Variants in PI4KA observed in about 807,000 individuals in gnomAD.
PI4KA encodes phosphatidylinositol 4-kinase alpha.
A neutral mutation model predicts 271.4 loss-of-function variants in PI4KA; 122 were observed. The observed-to-expected ratio is 0.45, with a 90% CI of 0.39 to 0.52. The LOEUF is 0.52. Among genes scored for constraint, PI4KA ranks in the 20% least tolerant of loss-of-function variants. PI4KA has a pLI of 0.00. For synonymous variants in PI4KA, 1,041 were observed against 1,078.8 expected (o/e 0.96, Z 0.69); for missense variants, 1,969 against 2,769.1 (o/e 0.71, Z 6.48).
intron 19 of PI4KA, 59 bp from the exon 20 acceptor site, chr22:20,765,752 T>C (rs1389378363): frequency 8.1e-6 from 9 of 1,112,686 alleles, no homozygotes; most frequent in South Asian, 7.4e-5. Context: ...CCCTAAGCCC[T>C]GTAGGTGTAA....
Position 20,734,428 on chromosome 22 carries a change from G to T in PI4KA, c.3867C>A (p.Pro1289=), listed in dbSNP as rs1313296690. The T allele has an allele frequency of 1.9e-6, 3 of 1,607,830 alleles. No individual in the cohort carries two copies. The highest frequency in any genetic ancestry group is 2.2e-5 in the South Asian group (2 of 90,820). ...AGATGTAGTGGGGGGTCACTTCGGG[G>T]GGACAGGGTTTGGGTTGACTTGCTT... ...ASEASQPKPC[P]PEVTPHYIWI... The change falls in exon 33 of 55, where the codon CCC becomes CCA. Residue 1289 remains proline, a synonymous_variant. Transcript: ENST00000255882.
At chr22:20,787,351 A>G (rs1601498880) in intron 19 of PI4KA, 45 of 456,596 alleles carry the variant, frequency 9.9e-5, no homozygotes, top group South Asian at 9.2e-4. Flanking sequence ...AAACCTGAGC[A>G]GCGCGTCCTA....
chr22:20,769,343 T>A (rs1932774212), intron 19 of PI4KA, among the ~76,000 whole-genome samples: 2 of 152,082 alleles, frequency 1.3e-5, no homozygotes, highest in South Asian at 4.2e-4. Context: ...ACTGCTCTAG[T>A]CTCCAGAAAG....
At chr22:20,757,116 G>A (rs1931397648) in intron 23 of PI4KA, among the ~76,000 whole-genome samples, 1 of 152,166 alleles carries the variant, frequency 6.6e-6, no homozygotes, top group Non-Finnish European at 1.5e-5. Context: ...GGAGGCAGAA[G>A]TCCCCACTTT....
intron 30 of PI4KA, 57 bp from the exon 31 acceptor site, chr22:20,742,821 T>A: frequency 1.3e-6 from 2 of 1,563,922 alleles, no homozygotes; most frequent in Non-Finnish European, 1.8e-6. Flanking sequence ...GTGGGTAAGG[T>A]TCTGGAAGCC....
intron 1 of PI4KA, among the ~76,000 whole-genome samples, chr22:20,858,168 T>TA (rs1927846524): frequency 6.6e-6 from 1 of 152,180 alleles, no homozygotes; most frequent in Non-Finnish European, 1.5e-5. Context: ...GGTCGCGGAA[T>TA]AAAAAGCAGG....
intron 50 of PI4KA, chr22:20,712,284 T>C: frequency 2.7e-6 from 2 of 743,304 alleles, no homozygotes; most frequent in Non-Finnish European, 3.3e-6. Context: ...TTTGATCTCT[T>C]GACCTCGTGA....
intron 24 of PI4KA, 34 bp downstream of exon 24, chr22:20,753,076 C>G (rs1555886462): frequency 6.2e-7 from 1 of 1,614,228 alleles, no homozygotes; most frequent in Admixed American, 1.7e-5. Context: ...ATGCCTCCAG[C>G]AGACAGACAC....
At chr22:20,711,207 G>A (rs1001885906) in intron 51 of PI4KA, 134 bp downstream of exon 51, 13 of 581,692 alleles carry the variant, frequency 2.2e-5, no homozygotes, top group East Asian at 2.1e-4. Context: ...CCGACAGTTC[G>A]GACCTCAGAG....
chr22:20,807,658 T>C (rs979440058), intron 9 of PI4KA, among the ~76,000 whole-genome samples, 200 bp from the exon 10 acceptor site: 3 of 152,244 alleles, frequency 2.0e-5, no homozygotes, highest in African/African-American at 7.2e-5. Flanking sequence ...AGGAGGCTCA[T>C]GCAGTCCAGA....
rs886192073 is a variant in PI4KA, at chr22:20,759,402, C to CTT, written c.2791+1900_2791+1901dup. Among the ~76,000 whole-genome samples the CTT allele has an allele frequency of 4.2e-3, 430 of 102,814 alleles. 11 individuals carry two copies. Among genetic ancestry groups the CTT allele is most frequent in the South Asian group, 7.9e-3 (23 of 2,898 alleles). 67.4% of individuals were successfully genotyped at this position (102,814 alleles called of 152,430 possible). ...TTGATTTTTCTTTTTCTTTTCTTTT[C>CTT]TTTTTTTTTTTTTTTTTTTTTGAGA... On this transcript the variant is annotated intron_variant, in intron 23 of 54. Transcript: ENST00000255882.
Position 20,799,211 on chromosome 22 carries a change from T to A in PI4KA, c.1886A>T (p.Asp629Val). The A allele has an allele frequency of 6.3e-7, 1 of 1,583,946 alleles. No individual in the cohort carries two copies. Among genetic ancestry groups the A allele is most frequent in the Admixed American group, 1.8e-5 (1 of 56,166 alleles). The part of the protein sequence containing the change: ...ALGHIAVALR[D>V]TPKVMEPILQ... ...AATGGGCTCCATGACCTTCGGGGTGTCCCTCAAGGCCACCGCAATGTGTCC... is the reference window on the plus strand; with the variant it reads ...AATGGGCTCCATGACCTTCGGGGTGACCCTCAAGGCCACCGCAATGTGTCC... Residue 629 changes from aspartate (D) to valine (V), a missense_variant, in exon 16 of 55, where the codon GAC becomes GTC. This residue lies in a region of PI4KA where 228 missense variants were observed against 261.6 expected (regional missense o/e 0.87). Coordinates refer to ENST00000255882, the MANE Select transcript of PI4KA (RefSeq NM_058004.4).
chr22:20,734,727 T>C (rs1328597634), intron 32 of PI4KA, 174 bp from the exon 33 acceptor site: 2 of 788,510 alleles, frequency 2.5e-6, no homozygotes, highest in Non-Finnish European at 4.0e-6. Context: ...GGGTCATCTG[T>C]GTCAGTGCTT....
chr22:20,844,220 G>A (rs934696541), intron 1 of PI4KA, among the ~76,000 whole-genome samples: 5 of 152,094 alleles, frequency 3.3e-5, no homozygotes, highest in Admixed American at 3.3e-4. Flanking sequence ...TCACTCCACT[G>A]CACCCTACAC....
intron 36 of PI4KA, among the ~76,000 whole-genome samples, chr22:20,731,064 A>T (rs569113960): frequency 6.6e-6 from 1 of 152,242 alleles, no homozygotes; most frequent in East Asian, 2.0e-4. Flanking sequence ...CTGTAGTCTT[A>T]GCTGCTTGTG....
intron 48 of PI4KA, chr22:20,713,080 T>C: frequency 1.5e-6 from 1 of 686,410 alleles, no homozygotes; most frequent in Non-Finnish European, 2.5e-6. Flanking sequence ...GGCACTGGCA[T>C]GGCGGGGACA....
chr22:20,799,333 A>G lies in PI4KA; in HGVS notation c.1821-57T>C, dbSNP rs1346220330. ...ACAGTCCCTCCAGCATGCAGTAGTGAAACAGTACCCAGAGACTACGATCTA... is the reference window on the plus strand; with the variant it reads ...ACAGTCCCTCCAGCATGCAGTAGTGGAACAGTACCCAGAGACTACGATCTA... On this transcript the variant is annotated intron_variant, in intron 15 of 54. Coordinates refer to ENST00000255882, the MANE Select transcript of PI4KA (RefSeq NM_058004.4). 4 of 1,426,260 alleles carry G rather than the reference A, an allele frequency of 2.8e-6. No individual in the cohort carries two copies. In the East Asian group the frequency reaches 7.1e-5, roughly 25 times the overall value. 88.4% of individuals were successfully genotyped at this position (1,426,260 alleles called of 1,614,324 possible).
At chr22:20,740,061 CAAAAAAAAAAAAAAAA>C (rs59323542) in intron 32 of PI4KA, among the ~76,000 whole-genome samples, 1 of 73,370 alleles carries the variant, frequency 1.4e-5, no homozygotes, top group Admixed American at 1.7e-4. Context: ...GACCCCATCT[CAAAAAAAAAAAAAAAA>C]AAAAAAAAAG....
chr22:20,740,202 C>T (rs1601379095), intron 32 of PI4KA, among the ~76,000 whole-genome samples: 1 of 144,246 alleles, frequency 6.9e-6, no homozygotes, highest in African/African-American at 2.6e-5. Flanking sequence ...AAAAAATATA[C>T]AAGATGGTTT....
Sources: allele counts gnomAD v4.1 joint callset (sites outside exome capture counted in the v4.1 genomes callset), GRCh38; gene constraint gnomAD v4.1.1; regional missense constraint gnomAD v4.1.1; transcripts MANE v1.5; gene names NCBI Gene and HGNC (gene_info 2026-07-23, HGNC 2026-07-21).